SPP2: variants seen among roughly 807,000 people sequenced by gnomAD.
The protein encoded by SPP2 is secreted phosphoprotein 2, also known as secreted phosphoprotein 24.
A neutral mutation model predicts 28.8 loss-of-function variants in SPP2; 34 were observed. The ratio of observed to expected loss-of-function variants is 1.18; its 90% CI spans 0.90 to 1.57. The LOEUF is 1.57. SPP2 is among the 40% of genes most tolerant of loss of function. SPP2 has a pLI of 0.00. For synonymous variants in SPP2, 96 were observed against 89.4 expected (o/e 1.07, Z -0.42); for missense variants, 269 against 263.9 (o/e 1.02, Z -0.13).
At chr2:234,075,145 T>C (rs1422002512) in intron 7 of SPP2, among the ~76,000 whole-genome samples, 1 of 152,136 alleles carries the variant, frequency 6.6e-6, no homozygotes, top group Non-Finnish European at 1.5e-5. Flanking sequence ...TCCAAGTTTT[T>C]GCTGCTCCGT....
At chr2:234,051,595 G>A (rs1445522951) in intron 2 of SPP2, among the ~76,000 whole-genome samples, 1 of 152,188 alleles carries the variant, frequency 6.6e-6, no homozygotes, top group Admixed American at 6.5e-5. Flanking sequence ...CTAAGTCTGT[G>A]ATATGCAAGG....
At chr2:234,053,931 G>A (rs1447695272) in intron 2 of SPP2, among the ~76,000 whole-genome samples, 1 of 152,088 alleles carries the variant, frequency 6.6e-6, no homozygotes, top group Non-Finnish European at 1.5e-5. Flanking sequence ...GGGGAGGGAG[G>A]GGAAGGGGAA....
chr2:234,070,093 G>A (rs530504735), intron 7 of SPP2, 70 bp downstream of exon 7: 7 of 1,262,864 alleles, frequency 5.5e-6, no homozygotes, highest in Non-Finnish European at 6.9e-6. Context: ...CCTTAAAACT[G>A]CTGACCTTCA....
At position 234,064,242 on chromosome 2, in the gene SPP2, C is replaced by CCTCTCT. The variant is rs540597166; in HGVS notation, c.445-2287_445-2286insCTCTCT. On this transcript the variant is annotated intron_variant, in intron 4 of 7. Coordinates refer to ENST00000168148, the MANE Select transcript of SPP2 (RefSeq NM_006944.3). The stretch of plus-strand genomic sequence containing the variant: ...GAGCCTCCTCCATCTTCTCCTCCTT[C>CCTCTCT]CTCTGTCTCTCTCTCTCTCTCTGTC... Among the ~76,000 whole-genome samples, 525 of 59,596 alleles carry CCTCTCT rather than the reference C, an allele frequency of 8.8e-3. 5 individuals are homozygous for CCTCTCT. Among genetic ancestry groups the CCTCTCT allele is most frequent in the African/African-American group, 0.024 (507 of 21,240 alleles). The allele number at this position is 59,596 out of a possible 152,430, so 39.1% of individuals were successfully genotyped here.
chr2:234,064,242 CCT>C (rs540597166), intron 4 of SPP2, among the ~76,000 whole-genome samples: 1 of 59,500 alleles, frequency 1.7e-5, no homozygotes, highest in Non-Finnish European at 3.9e-5. Context: ...TCTCCTCCTT[CCT>C]CTGTCTCTCT....
At chr2:234,065,044 T>G (rs1693790482) in intron 4 of SPP2, among the ~76,000 whole-genome samples, 1 of 152,218 alleles carries the variant, frequency 6.6e-6, no homozygotes, top group South Asian at 2.1e-4. Flanking sequence ...TGTATTTAAT[T>G]CTCTTGGAAA....
chr2:234,070,908 C>A (rs577444014), intron 7 of SPP2, among the ~76,000 whole-genome samples: 1 of 152,316 alleles, frequency 6.6e-6, no homozygotes, highest in East Asian at 1.9e-4. Context: ...ATGTCTCTTA[C>A]CACACTCTAT....
intron 4 of SPP2, among the ~76,000 whole-genome samples, chr2:234,061,451 G>T (rs1693717064): frequency 6.6e-6 from 1 of 152,140 alleles, no homozygotes; most frequent in African/African-American, 2.4e-5. Context: ...ATTTGTTCAT[G>T]TGTAATAGGA....
intron 3 of SPP2, 51 bp from the exon 4 acceptor site, chr2:234,060,317 AT>A (rs1693692498): frequency 8.0e-7 from 1 of 1,247,270 alleles, no homozygotes; most frequent in African/African-American, 1.5e-5. Flanking sequence ...AATGGAGGCT[AT>A]CCCTTTCCAC....
chr2:234,063,278 C>T (rs899638194), intron 4 of SPP2, among the ~76,000 whole-genome samples: 1 of 151,596 alleles, frequency 6.6e-6, no homozygotes, highest in South Asian at 2.1e-4. Flanking sequence ...AAAAAAACTC[C>T]CAGAGTAATA....
intron 7 of SPP2, among the ~76,000 whole-genome samples, chr2:234,072,673 T>C (rs1337923260): frequency 6.6e-6 from 1 of 152,140 alleles, no homozygotes; most frequent in East Asian, 1.9e-4. Context: ...GTTTCTACAC[T>C]GTGCTGGGTT....
chr2:234,056,121 T>C (rs1693602446), intron 2 of SPP2: 1 of 151,960 alleles, frequency 6.6e-6, no homozygotes, highest in South Asian at 2.1e-4. Context: ...ACCATCAGAG[T>C]GAACAGGCAA....
chr2:234,061,976 T>C (rs1056015563), intron 4 of SPP2, among the ~76,000 whole-genome samples: 2 of 152,280 alleles, frequency 1.3e-5, no homozygotes, highest in African/African-American at 4.8e-5. Context: ...ATTTAGGAAG[T>C]CAAATACATT....
chr2:234,066,870 T>G (rs1168792036), intron 5 of SPP2, among the ~76,000 whole-genome samples: 1 of 152,184 alleles, frequency 6.6e-6, no homozygotes, highest in Non-Finnish European at 1.5e-5. Context: ...GCGGAGCCAG[T>G]GTTGGTTTTC....
chr2:234,075,812 G>A (rs1487044182), intron 7 of SPP2, among the ~76,000 whole-genome samples: 2 of 152,034 alleles, frequency 1.3e-5, no homozygotes, highest in Non-Finnish European at 2.9e-5. Context: ...TCCACACCAC[G>A]TTCAAAATGC....
intron 7 of SPP2, among the ~76,000 whole-genome samples, chr2:234,074,382 G>A (rs574321266): frequency 6.6e-6 from 1 of 152,122 alleles, no homozygotes; most frequent in Non-Finnish European, 1.5e-5. Flanking sequence ...CACCACCACC[G>A]CCAGCTTTCT....
chr2:234,051,741 T>C (rs536992596), intron 2 of SPP2, among the ~76,000 whole-genome samples: 1 of 152,276 alleles, frequency 6.6e-6, no homozygotes, highest in Non-Finnish European at 1.5e-5. Context: ...GGGATGAACA[T>C]ATTTTCAAGC....
intron 5 of SPP2, among the ~76,000 whole-genome samples, chr2:234,066,934 G>C (rs982357846): frequency 6.6e-6 from 1 of 152,122 alleles, no homozygotes; most frequent in African/African-American, 2.4e-5. Context: ...GAATTCTATC[G>C]TCTTTCAGCC....
At chr2:234,053,596 C>T (rs1472156742) in intron 2 of SPP2, among the ~76,000 whole-genome samples, 3 of 151,678 alleles carry the variant, frequency 2.0e-5, no homozygotes, top group African/African-American at 4.9e-5. Flanking sequence ...TGTGCGGTCT[C>T]GGTGAAGAAC....
Sources: gnomAD v4.1 joint callset for allele counts (sites outside exome capture counted in the v4.1 genomes callset) on GRCh38, gnomAD v4.1.1 for gene constraint, MANE v1.5 for transcripts, NCBI Gene and HGNC (gene_info 2026-07-23, HGNC 2026-07-21) for gene names.